TRPM3: variants seen among roughly 807,000 people sequenced by gnomAD.
TRPM3 encodes transient receptor potential cation channel subfamily M member 3, also known as long transient receptor potential channel 3.
TRPM3 carries 77 observed loss-of-function variants against 181.2 expected under a neutral mutation model. The ratio of observed to expected loss-of-function variants is 0.42; its 90% CI spans 0.35 to 0.51. TRPM3 has a LOEUF of 0.51. TRPM3 is among the 20% of genes least tolerant of loss of function. TRPM3 has a pLI of 0.01. For missense variants in TRPM3, 1,759 were observed against 2,196.7 expected (o/e 0.80, Z 3.98); for synonymous variants, 745 against 796.4 (o/e 0.94, Z 1.09).
At chr9:71,195,286 T>C (rs373510458) in intron 1 of TRPM3, among the ~76,000 whole-genome samples, 1 of 152,028 alleles carries the variant, frequency 6.6e-6, no homozygotes, top group Non-Finnish European at 1.5e-5. Flanking sequence ...ATCTAGCATC[T>C]AGAAGGAACT....
At chr9:71,283,516 G>A (rs1192299520) in intron 1 of TRPM3, among the ~76,000 whole-genome samples, 1 of 152,130 alleles carries the variant, frequency 6.6e-6, no homozygotes, top group Non-Finnish European at 1.5e-5. Context: ...GTGTTAGCCA[G>A]GATGGTCTCA....
intron 22 of TRPM3, among the ~76,000 whole-genome samples, chr9:70,564,770 A>C (rs1033435846): frequency 2.0e-5 from 3 of 152,156 alleles, no homozygotes; most frequent in Non-Finnish European, 4.4e-5. Context: ...CTCCCATTGC[A>C]TTGTGCCTGA....
intron 1 of TRPM3, among the ~76,000 whole-genome samples, chr9:70,985,504 T>C (rs754444768): frequency 1.2e-4 from 18 of 152,224 alleles, no homozygotes; most frequent in Non-Finnish European, 1.9e-4. Flanking sequence ...GGAAATGAAA[T>C]GTCTGTATCA....
chr9:71,099,551 G>T lies in TRPM3; in HGVS notation c.177+21627C>A, dbSNP rs563683416. 2.6e-5 allele frequency among the ~76,000 whole-genome samples: 4 copies of T among 152,184 alleles called. No individual in the cohort carries two copies. In the South Asian group the frequency reaches 8.3e-4, roughly 32 times the overall value. Reference sequence around the variant, plus strand: ...ATATGCCAGCTCACCCCTCCTCTCTGTTGTGAGACTTTTTTAATGATTCAA... The same window carrying T: ...ATATGCCAGCTCACCCCTCCTCTCTTTTGTGAGACTTTTTTAATGATTCAA... On this transcript the variant is annotated intron_variant, in intron 1 of 25. Transcript: ENST00000677713.
At chr9:71,049,384 A>G (rs2133130125) in intron 1 of TRPM3, among the ~76,000 whole-genome samples, 1 of 152,248 alleles carries the variant, frequency 6.6e-6, no homozygotes, top group South Asian at 2.1e-4. Flanking sequence ...TATACTCCAA[A>G]TCCTAGAACA....
chr9:71,371,786 T>C (rs1315429987), intron 1 of TRPM3, among the ~76,000 whole-genome samples: 1 of 152,240 alleles, frequency 6.6e-6, no homozygotes, highest in African/African-American at 2.4e-5. Context: ...AGAGAACTCT[T>C]TGGTGAAGAG....
chr9:70,855,029 AC>A (rs2095350626), intron 3 of TRPM3, among the ~76,000 whole-genome samples: 1 of 152,098 alleles, frequency 6.6e-6, no homozygotes, highest in Non-Finnish European at 1.5e-5. Flanking sequence ...AGTAACTAAA[AC>A]TCTCAAGTTT....
intron 1 of TRPM3, among the ~76,000 whole-genome samples, chr9:71,409,289 C>T (rs1012486146): frequency 8.5e-5 from 13 of 152,086 alleles, no homozygotes; most frequent in Non-Finnish European, 1.9e-4. Flanking sequence ...GGGCTAAATG[C>T]CTCAATTAAA....
intron 1 of TRPM3, among the ~76,000 whole-genome samples, chr9:70,874,651 G>A (rs1429004219): frequency 6.6e-6 from 1 of 151,952 alleles, no homozygotes; most frequent in Non-Finnish European, 1.5e-5. Flanking sequence ...GAAATGTGCT[G>A]AGTCATAAAA....
At chr9:71,206,917 C>A (rs1160771026) in intron 1 of TRPM3, among the ~76,000 whole-genome samples, 4 of 152,098 alleles carry the variant, frequency 2.6e-5, no homozygotes, top group Non-Finnish European at 4.4e-5. Context: ...AAAACCATTT[C>A]TCTAACTTAC....
intron 1 of TRPM3, among the ~76,000 whole-genome samples, chr9:71,162,337 T>C (rs1283180312): frequency 2.6e-5 from 4 of 152,032 alleles, no homozygotes; most frequent in East Asian, 3.9e-4. Flanking sequence ...GTAGGTCTCA[T>C]ACCTACCATA....
rs35173071 is a variant in TRPM3 at position 70,781,326 on chromosome 9, TAAAAAA to T, written c.1148+2773_1148+2778del. Reference sequence around the variant, plus strand: ...GGGGACAGCATGAGATTCCATTTCATAAAAAAAAAAAAAAAAAAAAAAAGAAAACAT... The same window carrying T: ...GGGGACAGCATGAGATTCCATTTCATAAAAAAAAAAAAAAAAAGAAAACAT... On this transcript the variant is annotated intron_variant, in intron 7 of 25. Transcript: ENST00000677713. Among the ~76,000 whole-genome samples the T allele has an allele frequency of 4.7e-5, 5 of 106,154 alleles. No individual in the cohort carries two copies. The East Asian group carries it at 8.0e-4, about 17-fold the overall frequency. The allele number at this position is 106,154 out of a possible 152,430, so 69.6% of individuals were successfully genotyped here.
intron 22 of TRPM3, among the ~76,000 whole-genome samples, chr9:70,583,542 G>A (rs1169673163): frequency 1.3e-5 from 2 of 152,210 alleles, no homozygotes; most frequent in Non-Finnish European, 2.9e-5. Flanking sequence ...GTATTAGCAA[G>A]TCTGGAAAAG....
chr9:70,969,389 A>G (rs2097216198), intron 1 of TRPM3, among the ~76,000 whole-genome samples: 1 of 152,018 alleles, frequency 6.6e-6, no homozygotes, highest in South Asian at 2.1e-4. Context: ...GAAACTGCAC[A>G]TTTGACACAG....
chr9:71,416,957 T>C (rs1163809033), intron 1 of TRPM3, among the ~76,000 whole-genome samples: 4 of 152,022 alleles, frequency 2.6e-5, no homozygotes, highest in Admixed American at 2.6e-4. Flanking sequence ...GTTTCTTTAC[T>C]CAGCATATTT....
intron 1 of TRPM3, among the ~76,000 whole-genome samples, chr9:70,886,540 G>GA (rs1196363274): frequency 1.3e-5 from 2 of 152,104 alleles, no homozygotes; most frequent in East Asian, 1.9e-4. Flanking sequence ...CCTGAACTCA[G>GA]AAAAAAGAGA....
At chr9:71,127,043 G>A (rs1035710436) in intron 1 of TRPM3, among the ~76,000 whole-genome samples, 2 of 147,032 alleles carry the variant, frequency 1.4e-5, no homozygotes, top group African/African-American at 2.5e-5. Flanking sequence ...CATTCTTCAC[G>A]TGATGGCATA....
At chr9:70,602,108 T>TTTTTTG (rs2060130197) in intron 20 of TRPM3, among the ~76,000 whole-genome samples, 1 of 146,022 alleles carries the variant, frequency 6.8e-6, no homozygotes, top group Non-Finnish European at 1.5e-5. Context: ...AGGCATTCCT[T>TTTTTTG]TTTTTTTTTT....
At chr9:71,058,929 A>T (rs912029012) in intron 1 of TRPM3, among the ~76,000 whole-genome samples, 5 of 148,370 alleles carry the variant, frequency 3.4e-5, no homozygotes, top group African/African-American at 7.4e-5. Flanking sequence ...CTAAACCTCC[A>T]CTGGTTTAAG....
Sources: allele counts gnomAD v4.1 joint callset (sites outside exome capture counted in the v4.1 genomes callset), GRCh38; gene constraint gnomAD v4.1.1; transcripts MANE v1.5; gene names NCBI Gene and HGNC (gene_info 2026-07-23, HGNC 2026-07-21).